NDRG3: variants seen among roughly 807,000 people sequenced by gnomAD.
NDRG3 encodes the protein NDRG family member 3.
Under a neutral mutation model 57.2 loss-of-function variants are expected in NDRG3, and 23 were observed. The observed-to-expected ratio is 0.40, with a 90% CI of 0.29 to 0.57. The LOEUF is 0.57. Ranked by LOEUF, NDRG3 falls within the 20% of genes least tolerant of loss-of-function variation. NDRG3 has a pLI of 0.42. For synonymous variants in NDRG3, 132 were observed against 162.6 expected (o/e 0.81, Z 1.43); for missense variants, 384 against 457.3 (o/e 0.84, Z 1.46).
intron 8 of NDRG3, among the ~76,000 whole-genome samples, chr20:36,677,739 G>GGAGCTACCCATTCCTCT (rs1286408796): frequency 6.6e-6 from 1 of 152,148 alleles, no homozygotes; most frequent in African/African-American, 2.4e-5. Flanking sequence ...CCTACAGAGA[G>GGAGCTACCCATTCCTCT]GAGCTACCCA....
chr20:36,706,869 T>C, intron 3 of NDRG3, 103 bp downstream of exon 3: 1 of 952,952 alleles, frequency 1.0e-6, no homozygotes, highest in Non-Finnish European at 1.6e-6. Flanking sequence ...GGACTCATTA[T>C]TAGCTATAAT....
intron 1 of NDRG3, among the ~76,000 whole-genome samples, chr20:36,729,512 T>C (rs1047419681): frequency 2.0e-5 from 3 of 152,078 alleles, no homozygotes; most frequent in African/African-American, 7.2e-5. Context: ...ACTGAAAGCC[T>C]TCATTATTAT....
chr20:36,704,355 G>C (rs535724295), intron 3 of NDRG3, among the ~76,000 whole-genome samples: 1 of 152,118 alleles, frequency 6.6e-6, no homozygotes, highest in African/African-American at 2.4e-5. Context: ...GATTACAGGC[G>C]TTAGCCACCG....
At chr20:36,712,588 T>TATATATATATATATATATATATA (rs1555804489) in intron 2 of NDRG3, among the ~76,000 whole-genome samples, 3 of 10,932 alleles carry the variant, frequency 2.7e-4, no homozygotes, top group Non-Finnish European at 3.8e-4. Context: ...TATATATATA[T>TATATATATATATATATATATATA]TTTTTTTTTT....
At chr20:36,669,598 T>C (rs573677443) in intron 9 of NDRG3, among the ~76,000 whole-genome samples, 23 of 151,710 alleles carry the variant, frequency 1.5e-4, no homozygotes, top group Non-Finnish European at 2.4e-4. Flanking sequence ...CTCCCAACCT[T>C]AGGTGATCCA....
At chr20:36,715,750 G>C (rs1984237413) in intron 2 of NDRG3, among the ~76,000 whole-genome samples, 1 of 151,676 alleles carries the variant, frequency 6.6e-6, no homozygotes, top group Admixed American at 6.6e-5. Context: ...GGAATTGCTT[G>C]AACCCAGGTG....
chr20:36,717,294 T>C (rs984578448), intron 2 of NDRG3, among the ~76,000 whole-genome samples: 37 of 152,232 alleles, frequency 2.4e-4, no homozygotes, highest in Admixed American at 2.4e-3. Flanking sequence ...AATGCCTCCT[T>C]ACAAGTCATC....
At chr20:36,744,515 C>T (rs796199086) in intron 1 of NDRG3, among the ~76,000 whole-genome samples, 5 of 152,132 alleles carry the variant, frequency 3.3e-5, no homozygotes, top group African/African-American at 1.2e-4. Context: ...GAGGCTAAGA[C>T]CCTGTTTTGT....
At position 36,693,127 on chromosome 20, in the gene NDRG3, TATATATATATATATAC is replaced by T. The variant is rs1368314895; in HGVS notation, c.94-4359_94-4344del. ...AAAAATATATATATATATATATATA[TATATATATATATATAC>T]ACACACACACATATACACATATATA... On this transcript the variant is annotated intron_variant, in intron 3 of 15. Transcript: ENST00000349004. Among the ~76,000 whole-genome samples, 69 of 65,600 alleles carry T rather than the reference TATATATATATATATAC, an allele frequency of 1.1e-3. 1 individual carries two copies. The highest frequency in any genetic ancestry group is 1.6e-3 in the East Asian group (4 of 2,544). 43.0% of individuals were successfully genotyped at this position (65,600 alleles called of 152,430 possible).
At chr20:36,681,769 C>T (rs117661085) in intron 7 of NDRG3, among the ~76,000 whole-genome samples, 2,831 of 151,648 alleles carry the variant, frequency 0.019, 35 homozygotes, top group Non-Finnish European at 0.028. Context: ...GCTATCTCGG[C>T]TCACTACAAT....
At position 36,665,045 on chromosome 20, in the gene NDRG3, C is replaced by T. The variant is rs1979502184; in HGVS notation, c.810+1G>A. The T allele has an allele frequency of 6.2e-7, 1 of 1,613,898 alleles. No homozygotes were observed. The highest frequency in any genetic ancestry group is 1.3e-5 in the African/African-American group (1 of 74,908). ...TCTTCACAGCATGAGGACATACTTA[C>T]CACAGCCTCAACTGCAGGCGAATTG... On this transcript the variant is annotated splice_donor_variant, in intron 12 of 15. Coordinates refer to ENST00000349004, the MANE Select transcript of NDRG3 (RefSeq NM_032013.4). LOFTEE classifies it high-confidence loss of function.
chr20:36,724,588 T>C (rs183827365), intron 1 of NDRG3, among the ~76,000 whole-genome samples: 1 of 152,314 alleles, frequency 6.6e-6, no homozygotes, highest in Admixed American at 6.5e-5. Context: ...GTGGCTACTT[T>C]TTATTTGAAC....
At chr20:36,733,759 C>T (rs1438757668) in intron 1 of NDRG3, among the ~76,000 whole-genome samples, 1 of 151,806 alleles carries the variant, frequency 6.6e-6, no homozygotes, top group Non-Finnish European at 1.5e-5. Context: ...AGGGGGCATA[C>T]TGGAGAGAAT....
At position 36,684,491 on chromosome 20, in the gene NDRG3, A is replaced by T. The variant is rs200100400; in HGVS notation, c.321-16T>A. The T allele has an allele frequency of 6.2e-7, 1 of 1,608,868 alleles. No individual in the cohort carries two copies. The highest frequency in any genetic ancestry group is 1.7e-5 in the Admixed American group (1 of 59,984). On this transcript the variant is annotated splice_polypyrimidine_tract_variant and intron_variant, in intron 5 of 15. Transcript: ENST00000349004. ...GTACTGATACCTGCAATCCAGAAGG[A>T]TATCTCCTGAATTAGAAAGCACTCA...
chr20:36,737,316 C>G (rs1042874834), intron 1 of NDRG3, among the ~76,000 whole-genome samples: 9 of 152,094 alleles, frequency 5.9e-5, no homozygotes, highest in East Asian at 1.9e-4. Context: ...AGGAAAGCTA[C>G]CACCAGCAAA....
intron 1 of NDRG3, among the ~76,000 whole-genome samples, chr20:36,744,394 G>C (rs751226461): frequency 2.6e-5 from 4 of 151,846 alleles, no homozygotes; most frequent in Admixed American, 6.6e-5. Context: ...TAATGAAAAG[G>C]GGGGGTGGAA....
chr20:36,693,119 T>A (rs1568647026), intron 3 of NDRG3, among the ~76,000 whole-genome samples: 14 of 53,200 alleles, frequency 2.6e-4, no homozygotes, highest in Admixed American at 6.3e-4. Context: ...TATATATATA[T>A]ATATATATAT....
At chr20:36,705,540 T>C (rs1360720617) in intron 3 of NDRG3, among the ~76,000 whole-genome samples, 1 of 152,086 alleles carries the variant, frequency 6.6e-6, no homozygotes, top group Non-Finnish European at 1.5e-5. Flanking sequence ...AATAACTATT[T>C]GCTGGGGGGT....
chr20:36,658,525 T>A (rs1978879220), intron 13 of NDRG3, among the ~76,000 whole-genome samples: 1 of 152,246 alleles, frequency 6.6e-6, no homozygotes, highest in African/African-American at 2.4e-5. Context: ...CTACAGGCGT[T>A]TGTGGTAACA....
Sources: gnomAD v4.1 joint callset for allele counts (sites outside exome capture counted in the v4.1 genomes callset) on GRCh38, gnomAD v4.1.1 for gene constraint, MANE v1.5 for transcripts, NCBI Gene and HGNC (gene_info 2026-07-23, HGNC 2026-07-21) for gene names.